Variants in NKAIN2 observed in about 807,000 individuals in gnomAD.
The protein encoded by NKAIN2 is sodium/potassium transporting ATPase interacting 2.
NKAIN2 carries 14 observed loss-of-function variants against 32.6 expected under a neutral mutation model. That is an observed-to-expected ratio of 0.43 (90% CI 0.28 to 0.67). The LOEUF (loss-of-function observed/expected upper bound fraction) is 0.67. Ranked by LOEUF, NKAIN2 falls within the 30% of genes least tolerant of loss-of-function variation. The pLI is 0.17. For missense variants in NKAIN2, 198 were observed against 258.3 expected (o/e 0.77, Z 1.60); for synonymous variants, 80 against 87.2 (o/e 0.92, Z 0.46).
intron 2 of NKAIN2, among the ~76,000 whole-genome samples, chr6:124,333,022 ATAT>A (rs1289237084): frequency 3.9e-5 from 6 of 152,180 alleles, no homozygotes; most frequent in African/African-American, 1.2e-4. Context: ...ATTTAAATAA[ATAT>A]TATTAACAAT....
chr6:124,806,355 T>A lies in NKAIN2; in HGVS notation c.536-12032T>A, dbSNP rs527988674. On this transcript the variant is annotated intron_variant, in intron 5 of 6. Transcript: ENST00000368417. ...ATATTCAACATACTTAAAGAAAAGA[T>A]TTTTCAACCCAGAATTTCATATCCA... Among the ~76,000 whole-genome samples the A allele has an allele frequency of 4.5e-3, 683 of 151,984 alleles. 4 individuals are homozygous for A. The highest frequency in any genetic ancestry group is 0.016 in the African/African-American group (646 of 41,446).
intron 1 of NKAIN2, among the ~76,000 whole-genome samples, chr6:124,255,599 A>AT (rs1793893433): frequency 6.6e-6 from 1 of 152,154 alleles, no homozygotes; most frequent in African/African-American, 2.4e-5. Context: ...CATTTTGTAC[A>AT]TTTTTTACAA....
Position 123,814,688 on chromosome 6 carries a change from A to AT in NKAIN2, c.54+10443dup, listed in dbSNP as rs754144214. Among the ~76,000 whole-genome samples the AT allele has an allele frequency of 1.5e-3, 229 of 151,876 alleles. 3 individuals carry two copies. The highest frequency in any genetic ancestry group is 8.2e-4 in the Non-Finnish European group (56 of 67,910). ...CATTGAGAGAAATAAACCCCAATGA[A>AT]TTTTTTTTTGAAGTTTACATAGTGA... On this transcript the variant is annotated intron_variant, in intron 1 of 6. Coordinates refer to ENST00000368417, the MANE Select transcript of NKAIN2 (RefSeq NM_001040214.3).
intron 1 of NKAIN2, among the ~76,000 whole-genome samples, chr6:124,109,834 T>A (rs163285): frequency 0.66 from 99,834 of 151,788 alleles, 32,977 homozygotes; most frequent in East Asian, 0.74. Flanking sequence ...TGCCAAATTC[T>A]TTTTGTGCAT....
At chr6:124,250,577 C>A (rs558305403) in intron 1 of NKAIN2, among the ~76,000 whole-genome samples, 19 of 151,974 alleles carry the variant, frequency 1.3e-4, no homozygotes, top group Admixed American at 1.2e-3. Context: ...CAATTATTAA[C>A]CTAGAATTCC....
intron 3 of NKAIN2, among the ~76,000 whole-genome samples, chr6:124,509,125 A>T (rs1327001278): frequency 6.6e-6 from 1 of 152,164 alleles, no homozygotes; most frequent in Non-Finnish European, 1.5e-5. Context: ...ACACTGTAGA[A>T]GTAGTGTGGG....
At chr6:124,024,983 C>CCA (rs1781040269) in intron 1 of NKAIN2, among the ~76,000 whole-genome samples, 1 of 142,026 alleles carries the variant, frequency 7.0e-6, no homozygotes, top group East Asian at 2.1e-4. Context: ...GATTCCGTCT[C>CCA]AAAAAAAAAA....
intron 1 of NKAIN2, among the ~76,000 whole-genome samples, chr6:123,819,521 A>C (rs1037085182): frequency 6.6e-6 from 1 of 152,108 alleles, no homozygotes; most frequent in African/African-American, 2.4e-5. Context: ...TCATCTTATT[A>C]ATTAAAGTTT....
intron 3 of NKAIN2, among the ~76,000 whole-genome samples, chr6:124,526,025 C>G (rs1779298391): frequency 6.6e-6 from 1 of 152,068 alleles, no homozygotes; most frequent in South Asian, 2.1e-4. Context: ...TGAGATGGAT[C>G]AGGCTTACCT....
chr6:124,574,597 C>A (rs143050303), intron 3 of NKAIN2, among the ~76,000 whole-genome samples: 190 of 152,168 alleles, frequency 1.2e-3, no homozygotes, highest in Non-Finnish European at 2.4e-3. Flanking sequence ...CCAGCCTGGG[C>A]GACAGAGCAA....
chr6:124,459,024 C>T (rs1583284132), intron 3 of NKAIN2, among the ~76,000 whole-genome samples: 1 of 151,938 alleles, frequency 6.6e-6, no homozygotes, highest in Non-Finnish European at 1.5e-5. Flanking sequence ...TTAATGATCT[C>T]TAGTGAATGT....
At chr6:123,973,236 C>T (rs929396906) in intron 1 of NKAIN2, among the ~76,000 whole-genome samples, 2 of 152,014 alleles carry the variant, frequency 1.3e-5, no homozygotes, top group South Asian at 2.1e-4. Flanking sequence ...TCTTGGCTTG[C>T]AGATTAAACT....
chr6:124,024,520 A>G (rs1781016080), intron 1 of NKAIN2, among the ~76,000 whole-genome samples: 3 of 152,212 alleles, frequency 2.0e-5, no homozygotes, highest in Admixed American at 2.0e-4. Context: ...AAGTTCACAT[A>G]AGGATATACA....
chr6:123,975,675 G>A (rs1778533035), intron 1 of NKAIN2, among the ~76,000 whole-genome samples: 1 of 152,046 alleles, frequency 6.6e-6, no homozygotes, highest in Non-Finnish European at 1.5e-5. Context: ...CTCATAAGTG[G>A]CACCTTCTTG....
intron 4 of NKAIN2, among the ~76,000 whole-genome samples, chr6:124,729,252 C>CA (rs1175534452): frequency 3.3e-5 from 5 of 149,812 alleles, no homozygotes; most frequent in Admixed American, 6.6e-5. Flanking sequence ...AGAGACACAA[C>CA]AAAAAAAGAG....
intron 3 of NKAIN2, among the ~76,000 whole-genome samples, chr6:124,444,463 G>T (rs1253138203): frequency 6.6e-6 from 1 of 151,948 alleles, no homozygotes; most frequent in African/African-American, 2.4e-5. Flanking sequence ...TACCGTAATG[G>T]TTGTTGCTTT....
At chr6:124,647,217 G>A (rs1244437528) in intron 3 of NKAIN2, among the ~76,000 whole-genome samples, 1 of 151,848 alleles carries the variant, frequency 6.6e-6, no homozygotes, top group Non-Finnish European at 1.5e-5. Context: ...GAAGTACAGA[G>A]AAGGCATCAT....
At chr6:124,721,351 C>T (rs1385626384) in intron 4 of NKAIN2, among the ~76,000 whole-genome samples, 1 of 145,728 alleles carries the variant, frequency 6.9e-6, no homozygotes, top group African/African-American at 2.6e-5. Context: ...TTGCAGTGAG[C>T]GGAGATCGCG....
At chr6:124,129,524 C>T (rs1347943640) in intron 1 of NKAIN2, among the ~76,000 whole-genome samples, 1 of 152,170 alleles carries the variant, frequency 6.6e-6, no homozygotes, top group Non-Finnish European at 1.5e-5. Flanking sequence ...ATATCACCCC[C>T]CTCAGTTGAA....
Sources: allele counts gnomAD v4.1 joint callset (sites outside exome capture counted in the v4.1 genomes callset), GRCh38; gene constraint gnomAD v4.1.1; transcripts MANE v1.5; gene names NCBI Gene and HGNC (gene_info 2026-07-23, HGNC 2026-07-21).